MYOZ2: variants seen among roughly 807,000 people sequenced by gnomAD.
The protein encoded by MYOZ2 is myozenin-2.
MYOZ2 carries 19 observed loss-of-function variants against 25.4 expected under a neutral mutation model. The observed-to-expected ratio is 0.75, with a 90% confidence interval of 0.52 to 1.10. The LOEUF is 1.10. Ranked by LOEUF, MYOZ2 falls within the 50% of genes least tolerant of loss-of-function variation. The pLI is 0.00. For missense variants in MYOZ2, 270 were observed against 317.9 expected, an observed-to-expected ratio of 0.85 and a Z score of 1.15; for synonymous variants, 92 against 106.9, an observed-to-expected ratio of 0.86 and a Z score of 0.86.
intron 3 of MYOZ2, among the ~76,000 whole-genome samples, chr4:119,152,599 C>T (rs576185157): frequency 6.6e-6 from 1 of 151,930 alleles, no homozygotes; most frequent in Non-Finnish European, 1.5e-5. Context: ...TTTTATACAC[C>T]TGTGTTCGAA....
intron 2 of MYOZ2, among the ~76,000 whole-genome samples, chr4:119,141,392 C>CT (rs531872492): frequency 2.0e-5 from 3 of 150,246 alleles, no homozygotes; most frequent in South Asian, 2.1e-4. Context: ...TTCTTTCTTT[C>CT]TTTTTTTTGA....
intron 2 of MYOZ2, among the ~76,000 whole-genome samples, chr4:119,142,400 T>C (rs1741176930): frequency 6.6e-6 from 1 of 152,202 alleles, no homozygotes; most frequent in Admixed American, 6.5e-5. Flanking sequence ...TTGTCTAGTA[T>C]GTTGAGGGAT....
chr4:119,158,694 A>G (rs1741640784), intron 4 of MYOZ2, among the ~76,000 whole-genome samples: 2 of 152,232 alleles, frequency 1.3e-5, no homozygotes, highest in Non-Finnish European at 2.9e-5. Context: ...TGAAAATTAT[A>G]ATAAGTAATT....
intron 2 of MYOZ2, among the ~76,000 whole-genome samples, chr4:119,140,234 T>G (rs1741132302): frequency 6.6e-6 from 1 of 152,166 alleles, no homozygotes; most frequent in Admixed American, 6.5e-5. Context: ...AAGGACTCCT[T>G]GAAAAAGTAC....
At chr4:119,141,823 G>A (rs4834754) in intron 2 of MYOZ2, among the ~76,000 whole-genome samples, 35,195 of 152,142 alleles carry the variant, frequency 0.23, 4,230 homozygotes, top group Middle Eastern at 0.33. Flanking sequence ...GGTTTGCAGC[G>A]AAGGGCAGGC....
intron 4 of MYOZ2, among the ~76,000 whole-genome samples, chr4:119,162,405 G>A (rs1222083314): frequency 6.6e-6 from 1 of 152,146 alleles, no homozygotes; most frequent in Non-Finnish European, 1.5e-5. Context: ...AGGTCTCCTG[G>A]GGCAGCAGTG....
At chr4:119,173,927 C>T (rs1006757787) in intron 5 of MYOZ2, among the ~76,000 whole-genome samples, 37 of 152,340 alleles carry the variant, frequency 2.4e-4, no homozygotes, top group African/African-American at 6.3e-4. Flanking sequence ...ACTTAGCACT[C>T]GGGCCAGCGG....
chr4:119,153,738 A>T (rs966277547), intron 3 of MYOZ2, among the ~76,000 whole-genome samples: 1 of 152,152 alleles, frequency 6.6e-6, no homozygotes, highest in African/African-American at 2.4e-5. Flanking sequence ...AAACAGAAAA[A>T]ATAAGTGTAG....
At position 119,166,038 on chromosome 4, in the gene MYOZ2, CGT is replaced by C. The variant is rs146485825; in HGVS notation, c.560+1660_560+1661del. ...AAATATTACATGCTGTGTGTGTGTG[CGT>C]GTGTGTGTGTGTGTGAAAACTTAAT... On this transcript the variant is annotated intron_variant, in intron 5 of 5. Transcript: ENST00000307128. Among the ~76,000 whole-genome samples the C allele has an allele frequency of 2.9e-3, 439 of 150,268 alleles. 3 individuals are homozygous for C. Among genetic ancestry groups the C allele is most frequent in the East Asian group, 9.7e-3 (50 of 5,134 alleles).
At chr4:119,185,125 CCCTTT>C (rs974801988) in intron 5 of MYOZ2, among the ~76,000 whole-genome samples, 10 of 150,956 alleles carry the variant, frequency 6.6e-5, no homozygotes, top group Admixed American at 3.3e-4. Context: ...CCCTCCCCTT[CCCTTT>C]CCTTTTCTTT....
intron 2 of MYOZ2, 66 bp from the exon 3 acceptor site, chr4:119,150,806 G>C (rs1741429720): frequency 1.3e-6 from 2 of 1,487,720 alleles, no homozygotes; most frequent in Admixed American, 3.5e-5. Context: ...TTAGAATTAA[G>C]AAATTTATAA....
chr4:119,143,222 G>A (rs566902426), intron 2 of MYOZ2, among the ~76,000 whole-genome samples: 1 of 151,150 alleles, frequency 6.6e-6, no homozygotes, highest in East Asian at 1.9e-4. Flanking sequence ...TTGAGATGGA[G>A]TCTTGCTCTG....
rs1426538755 is a variant in MYOZ2, at chr4:119,164,087, A to G, written c.377-124A>G. On this transcript the variant is annotated intron_variant, in intron 4 of 5. Coordinates refer to ENST00000307128, the MANE Select transcript of MYOZ2 (RefSeq NM_016599.5). ...GCAGACTGCTGTTTTCTAAGGGATC[A>G]TGAAAAGGATGCATGCTTCATAAAT... 6.6e-6 allele frequency: 6 copies of G among 903,314 alleles called. 1 individual carries two copies. Among genetic ancestry groups the G allele is most frequent in the Admixed American group, 2.0e-5 (1 of 49,884 alleles). 56.0% of individuals were successfully genotyped at this position (903,314 alleles called of 1,614,324 possible).
intron 2 of MYOZ2, among the ~76,000 whole-genome samples, chr4:119,145,338 G>GTTT (rs60344545): frequency 6.9e-4 from 69 of 100,596 alleles, no homozygotes; most frequent in African/African-American, 1.4e-3. Flanking sequence ...TGCGTGTGTG[G>GTTT]TTTTTTTTTT....
In MYOZ2 at chr4:119,138,328, C is replaced by T. The variant is rs115156636; in HGVS notation, c.76+1727C>T. On this transcript the variant is annotated intron_variant, in intron 2 of 5. Transcript: ENST00000307128. ...TGGGGATAATCAGACTCTTTCCAAG[C>T]TCATCCCAGATGAAATAACTTCAGT... 9.4e-3 allele frequency among the ~76,000 whole-genome samples: 1,436 copies of T among 152,258 alleles called. 10 individuals carry two copies. The highest frequency in any genetic ancestry group is 0.028 in the South Asian group (137 of 4,820).
At chr4:119,158,225 C>T (rs1287896797) in intron 4 of MYOZ2, 74 bp downstream of exon 4, 3 of 1,560,580 alleles carry the variant, frequency 1.9e-6, no homozygotes, top group Non-Finnish European at 2.6e-6. Context: ...CATTTAAAGC[C>T]TTTATTGAAT....
chr4:119,146,314 CACTT>C (rs1404392603), intron 2 of MYOZ2, among the ~76,000 whole-genome samples: 14 of 151,404 alleles, frequency 9.2e-5, no homozygotes, highest in Admixed American at 9.2e-4. Context: ...TTGGGGTAGA[CACTT>C]ATTTATTGAT....
chr4:119,178,035 C>T (rs1188681048), intron 5 of MYOZ2, among the ~76,000 whole-genome samples: 2 of 152,218 alleles, frequency 1.3e-5, no homozygotes, highest in Non-Finnish European at 2.9e-5. Context: ...CTGCATCCCA[C>T]CATTACACTT....
At chr4:119,159,669 T>A (rs557327209) in intron 4 of MYOZ2, among the ~76,000 whole-genome samples, 2 of 152,256 alleles carry the variant, frequency 1.3e-5, no homozygotes, top group Admixed American at 1.3e-4. Context: ...AAACAGTAAA[T>A]TTAGCAAAAG....
Sources: allele counts gnomAD v4.1 joint callset (sites outside exome capture counted in the v4.1 genomes callset), GRCh38; gene constraint gnomAD v4.1.1; transcripts MANE v1.5; gene names NCBI Gene and HGNC (gene_info 2026-07-23, HGNC 2026-07-21).